Variants in POLN observed in about 807,000 individuals in gnomAD.
POLN encodes DNA polymerase N.
In POLN, 108 loss-of-function variants were observed where a neutral mutation model predicts 113.5. The ratio of observed to expected loss-of-function variants is 0.95; its 90% confidence interval spans 0.81 to 1.12. The LOEUF is 1.12. Ranked by LOEUF, POLN falls within the 50% of genes most tolerant of loss-of-function variation. The pLI is 0.00. For missense variants in POLN, 1,097 were observed against 1,077.1 expected, an observed-to-expected ratio of 1.02 and a Z score of -0.26; for synonymous variants, 386 against 391.5, an observed-to-expected ratio of 0.99 and a Z score of 0.17.
intron 4 of POLN, among the ~76,000 whole-genome samples, chr4:2,210,053 T>C (rs1733954375): frequency 6.6e-6 from 1 of 150,514 alleles, no homozygotes; most frequent in Non-Finnish European, 1.5e-5. Context: ...TAACATTACC[T>C]TTAAAATAAT....
At chr4:2,177,609 A>G (rs1307859732) in intron 8 of POLN, among the ~76,000 whole-genome samples, 2 of 152,186 alleles carry the variant, frequency 1.3e-5, no homozygotes, top group African/African-American at 2.4e-5. Context: ...CCCTGGCCTC[A>G]ATTTGACCCT....
chr4:2,085,750 A>C lies in POLN; in HGVS notation c.2066-6T>G, dbSNP rs772449630. 8 of 1,613,416 alleles carry C rather than the reference A, an allele frequency of 5.0e-6. No individual in the cohort carries two copies. Among genetic ancestry groups the C allele is most frequent in the Non-Finnish European group, 6.8e-6 (8 of 1,180,010 alleles). On this transcript the variant is annotated splice_region_variant and splice_polypyrimidine_tract_variant and intron_variant, in intron 20 of 25. Coordinates refer to ENST00000511885, the MANE Select transcript of POLN (RefSeq NM_181808.4). ...AGCAGCCAGCCGCTCCTTCCCTGTCAGTCAGAGAGACGCATGTCAAAGCCT... is the reference window on the plus strand; with the variant it reads ...AGCAGCCAGCCGCTCCTTCCCTGTCCGTCAGAGAGACGCATGTCAAAGCCT...
intron 14 of POLN, among the ~76,000 whole-genome samples, chr4:2,158,596 G>A (rs1385337298): frequency 6.6e-6 from 1 of 152,198 alleles, no homozygotes; most frequent in African/African-American, 2.4e-5. Flanking sequence ...GATACAGCAG[G>A]CCACAGGCTC....
intron 20 of POLN, chr4:2,089,846 T>C: frequency 2.2e-6 from 2 of 909,358 alleles, no homozygotes; most frequent in South Asian, 1.4e-5. Context: ...TCTAGGTTCT[T>C]TGAAAGCAGA....
intron 19 of POLN, among the ~76,000 whole-genome samples, chr4:2,099,587 G>C (rs1730875579): frequency 6.6e-6 from 1 of 152,216 alleles, no homozygotes; most frequent in Admixed American, 6.5e-5. Flanking sequence ...CAGAGACTGT[G>C]ACTAAAAGCA....
At chr4:2,195,672 T>C (rs891308754) in intron 6 of POLN, among the ~76,000 whole-genome samples, 2 of 151,854 alleles carry the variant, frequency 1.3e-5, no homozygotes, top group East Asian at 1.9e-4. Context: ...TTTGTAGAGA[T>C]TGGGTCTCAC....
intron 2 of POLN, chr4:2,231,327 G>A (rs1280377837): frequency 2.0e-5 from 3 of 152,278 alleles, no homozygotes; most frequent in Admixed American, 6.5e-5. Flanking sequence ...GCGGCTGAGC[G>A]TGGTGGCTCA....
chr4:2,146,831 T>C (rs1462033664), intron 16 of POLN, among the ~76,000 whole-genome samples: 1 of 152,134 alleles, frequency 6.6e-6, no homozygotes, highest in African/African-American at 2.4e-5. Flanking sequence ...GGCGAAAGCA[T>C]GAGGAATCAA....
intron 23 of POLN, chr4:2,078,657 C>A (rs1021844718): frequency 5.1e-6 from 5 of 985,320 alleles, no homozygotes; most frequent in African/African-American, 1.7e-5. Context: ...CCATCCACAG[C>A]CTTTCACATT....
chr4:2,241,117 T>C lies in POLN; in HGVS notation c.-13+403A>G, dbSNP rs1231463283. 9.0e-6 allele frequency: 5 copies of C among 554,520 alleles called. No individual in the cohort carries two copies. The East Asian group carries it at 1.6e-4, about 18-fold the overall frequency. 34.3% of individuals were successfully genotyped at this position (554,520 alleles called of 1,614,324 possible). On this transcript the variant is annotated intron_variant, in intron 2 of 25. Transcript: ENST00000511885. ...TCCTAGGGGGGAAGAAAACAAGTAT[T>C]AGACCACAAATATGACGACAGTGTT...
chr4:2,238,970 A>G (rs760276566), intron 2 of POLN: 1 of 1,585,880 alleles, frequency 6.3e-7, no homozygotes, highest in Admixed American at 1.9e-5. Flanking sequence ...TATTTGAGTG[A>G]CCTCTTTTTC....
rs1338485802 is a variant in POLN, at chr4:2,173,963, G to A, written c.1366C>T (p.Leu456Phe). The A allele has an allele frequency of 1.2e-6, 2 of 1,614,204 alleles. No homozygotes were observed. Among genetic ancestry groups the A allele is most frequent in the South Asian group, 1.1e-5 (1 of 91,086 alleles). ...CTGGAATAATAACTTACCCCAAGAA[G>A]TGCTGACGTCTTCTCCATCTCCTCT... is the stretch of plus-strand genomic sequence containing the variant. ...NKEEMEKTSA[L>F]LGARLKELEQ... Residue 456 changes from leucine to phenylalanine, a missense_variant, in exon 11 of 26, where the codon CTT (leucine) becomes TTT (phenylalanine). Leu to Phe is a conservative substitution (Grantham distance 22). Coordinates refer to ENST00000511885, the MANE Select transcript of POLN (RefSeq NM_181808.4).
chr4:2,173,522 G>A (rs1732917628), intron 11 of POLN, among the ~76,000 whole-genome samples: 1 of 151,516 alleles, frequency 6.6e-6, no homozygotes, highest in South Asian at 2.1e-4. Context: ...CCCCGCCACT[G>A]CTCACCCTTC....
intron 2 of POLN, chr4:2,240,622 G>C (rs1461532470): frequency 1.2e-6 from 2 of 1,613,148 alleles, no homozygotes; most frequent in Non-Finnish European, 1.7e-6. Context: ...AATTTCAGTA[G>C]AGTTTGAACC....
chr4:2,085,900 A>G (rs1730538765), intron 20 of POLN, among the ~76,000 whole-genome samples, 156 bp from the exon 21 acceptor site: 2 of 152,186 alleles, frequency 1.3e-5, no homozygotes, highest in Admixed American at 1.3e-4. Context: ...CTAGGTGCCA[A>G]TCAATCGGGA....
chr4:2,095,223 G>A (rs1304683133), intron 20 of POLN, among the ~76,000 whole-genome samples: 1 of 152,130 alleles, frequency 6.6e-6, no homozygotes, highest in Non-Finnish European at 1.5e-5. Flanking sequence ...AGCAGAAACA[G>A]GAAGGGAAGC....
At chr4:2,146,241 C>T (rs1732135215) in intron 16 of POLN, among the ~76,000 whole-genome samples, 1 of 152,192 alleles carries the variant, frequency 6.6e-6, no homozygotes, top group Non-Finnish European at 1.5e-5. Context: ...CGTGGTGGCT[C>T]ACACCTGTAA....
intron 2 of POLN, chr4:2,240,829 G>A: frequency 6.2e-7 from 1 of 1,613,670 alleles, no homozygotes; most frequent in Non-Finnish European, 8.5e-7. Flanking sequence ...AACCACTTCA[G>A]AAACGATTCA....
chr4:2,117,118 G>C (rs184608435), intron 19 of POLN, among the ~76,000 whole-genome samples: 1 of 152,138 alleles, frequency 6.6e-6, no homozygotes, highest in Non-Finnish European at 1.5e-5. Context: ...TCTGTGATTC[G>C]GGATTGTGGC....
Sources: gnomAD v4.1 joint callset for allele counts (sites outside exome capture counted in the v4.1 genomes callset) on GRCh38, gnomAD v4.1.1 for gene constraint, MANE v1.5 for transcripts, NCBI Gene and HGNC (gene_info 2026-07-23, HGNC 2026-07-21) for gene names.